The following ADAM17 variants were observed in gnomAD, a reference collection of about 807,000 sequenced individuals.
The protein encoded by ADAM17 is ADAM metallopeptidase domain 17, also known as disintegrin and metalloproteinase domain-containing protein 17.
In ADAM17, 39 loss-of-function variants were observed where a neutral mutation model predicts 96.7. That is an observed-to-expected ratio of 0.40 (90% CI 0.31 to 0.53). The LOEUF (loss-of-function observed/expected upper bound fraction) is 0.53, where lower values mean the gene tolerates loss of function less well. Ranked by LOEUF, ADAM17 falls within the 20% of genes least tolerant of loss-of-function variation. ADAM17 has a pLI of 0.44. For missense variants in ADAM17, 777 were observed against 1,013.2 expected (o/e 0.77, Z 3.17); for synonymous variants, 344 against 359.2 (o/e 0.96, Z 0.48).
chr2:9,529,512 G>A (rs543073057), intron 4 of ADAM17, among the ~76,000 whole-genome samples: 1 of 152,204 alleles, frequency 6.6e-6, no homozygotes, highest in Admixed American at 6.5e-5. Flanking sequence ...ATTTATATGA[G>A]ATGACCCAAA....
At chr2:9,500,199 G>C (rs1270331842) in intron 13 of ADAM17, among the ~76,000 whole-genome samples, 1 of 152,164 alleles carries the variant, frequency 6.6e-6, no homozygotes, top group East Asian at 1.9e-4. Context: ...CCATGCAATG[G>C]AATTTACCCA....
At chr2:9,526,996 T>C (rs1000978384) in intron 5 of ADAM17, among the ~76,000 whole-genome samples, 1 of 152,104 alleles carries the variant, frequency 6.6e-6, no homozygotes, top group African/African-American at 2.4e-5. Flanking sequence ...TCTTTATTTA[T>C]ATATTAAAAT....
intron 2 of ADAM17, 135 bp downstream of exon 2, chr2:9,543,018 A>T: frequency 8.6e-7 from 1 of 1,162,726 alleles, no homozygotes; most frequent in East Asian, 3.0e-5. Flanking sequence ...TTTTAGAATA[A>T]GCATTATACT....
intron 10 of ADAM17, among the ~76,000 whole-genome samples, chr2:9,513,875 A>G (rs1314376792): frequency 6.6e-6 from 1 of 151,910 alleles, no homozygotes; most frequent in Non-Finnish European, 1.5e-5. Context: ...GCTGGTCGTG[A>G]TGGCGCATGC....
At chr2:9,544,427 A>C (rs1665330024) in intron 1 of ADAM17, among the ~76,000 whole-genome samples, 1 of 152,190 alleles carries the variant, frequency 6.6e-6, no homozygotes, top group African/African-American at 2.4e-5. Context: ...AGCTAGTTTG[A>C]GGCAGGAGAA....
intron 16 of ADAM17, among the ~76,000 whole-genome samples, 198 bp from the exon 17 acceptor site, chr2:9,493,184 A>AT (rs1662300927): frequency 6.6e-6 from 1 of 152,210 alleles, no homozygotes; most frequent in Admixed American, 6.5e-5. Flanking sequence ...TAGCCCTCAT[A>AT]TACTGGCTGA....
At chr2:9,514,551 ATATATATATATATATAT>A (rs1229144370) in intron 10 of ADAM17, among the ~76,000 whole-genome samples, 3 of 99,048 alleles carry the variant, frequency 3.0e-5, no homozygotes, top group South Asian at 3.3e-4. Context: ...ATATATATAT[ATATATATATATATATAT>A]AAATAAAAAG....
Position 9,527,876 on chromosome 2 carries a change from G to A in ADAM17, c.529C>T (p.Arg177Cys), listed in dbSNP as rs1204442125. The A allele has an allele frequency of 5.0e-6, 8 of 1,600,022 alleles. No individual in the cohort carries two copies. Among genetic ancestry groups the A allele is most frequent in the Non-Finnish European group, 6.0e-6 (7 of 1,171,854 alleles). ...CCACACACTTTTGGAGACTGCAAAC[G>A]TGAAACATTCTTGATATCTTCAGAT... ...YKSEDIKNVSRLQSPKVCGYL... is the reference protein window; with the variant it reads ...YKSEDIKNVSCLQSPKVCGYL... Residue 177 changes from arginine (R) to cysteine (C), a missense_variant, in exon 5 of 19, where the codon CGT (arginine) becomes TGT (cysteine). This residue lies in a region of ADAM17 where 446 missense variants were observed against 664.7 expected (regional missense o/e 0.67). Transcript: ENST00000310823.
At chr2:9,535,642 G>C (rs1664930782) in intron 4 of ADAM17, among the ~76,000 whole-genome samples, 192 bp downstream of exon 4, 1 of 152,144 alleles carries the variant, frequency 6.6e-6, no homozygotes, top group African/African-American at 2.4e-5. Context: ...ATGGTACTTA[G>C]AAATACAGGG....
rs1448882424 is a variant in ADAM17 at position 9,488,818 on chromosome 2, G to A, written c.*1359C>T. ...ATGTCCTTGGAAATGGGGGGTAGGA[G>A]GAGATATGATTAGTCACAGGTTTGG... On this transcript the variant is annotated 3_prime_UTR_variant, in exon 19 of 19. Transcript: ENST00000310823. 3 of 152,244 alleles carry A rather than the reference G, an allele frequency of 2.0e-5. No individual in the cohort carries two copies. The highest frequency in any genetic ancestry group is 7.2e-5 in the African/African-American group (3 of 41,442). The allele number at this position is 152,244 out of a possible 1,614,324, so 9.4% of individuals were successfully genotyped here. A position where few individuals can be genotyped will look rare whatever the true frequency, so the allele number is the denominator to read the frequency against.
In ADAM17 at chr2:9,535,823, T is replaced by C; in HGVS notation, c.450+11A>G. 1.3e-6 allele frequency: 2 copies of C among 1,554,640 alleles called. No individual in the cohort carries two copies. The highest frequency in any genetic ancestry group is 1.2e-5 in the South Asian group (1 of 83,114). ...ATAAGCTACTGAAAAAAAATTCACA[T>C]ATAAATTTACCTCTATGTTATATTC... On this transcript the variant is annotated intron_variant, in intron 4 of 18. Transcript: ENST00000310823.
In ADAM17 at chr2:9,499,137, T is replaced by G. The variant is rs766466885; in HGVS notation, c.1649-1889A>C. 1.0e-4 allele frequency among the ~76,000 whole-genome samples: 15 copies of G among 147,046 alleles called. No homozygotes were observed. The Middle Eastern group carries it at 0.017, about 167-fold the overall frequency. ...TCTTTTTTTTTTTTTTTTTTGAGGTTGTTGTTCTCTAGCTTTTCCTGCTAG... is the reference window on the plus strand; with the variant it reads ...TCTTTTTTTTTTTTTTTTTTGAGGTGGTTGTTCTCTAGCTTTTCCTGCTAG... On this transcript the variant is annotated intron_variant, in intron 13 of 18. Coordinates refer to ENST00000310823, the MANE Select transcript of ADAM17 (RefSeq NM_003183.6).
At chr2:9,533,050 A>C (rs559485762) in intron 4 of ADAM17, among the ~76,000 whole-genome samples, 1 of 151,950 alleles carries the variant, frequency 6.6e-6, no homozygotes, top group Non-Finnish European at 1.5e-5. Context: ...TTAACGGGGC[A>C]TGGTGGCACA....
Position 9,490,466 on chromosome 2 carries a change from G to A in ADAM17, c.2186C>T (p.Pro729Leu). 6.2e-7 allele frequency: 1 copy of A among 1,614,018 alleles called. No homozygotes were observed. The highest frequency in any genetic ancestry group is 8.5e-7 in the Non-Finnish European group (1 of 1,179,932). Residue 729 changes from proline to leucine, a missense_variant, in exon 19 of 19, where the codon CCC becomes CTC. Physicochemically the swap from Pro to Leu is moderately conservative, Grantham distance 98. Around this residue, in one of 3 missense-constraint regions of ADAM17, gnomAD observed 197 missense variants for 219.4 expected, o/e 0.90. Transcript: ENST00000310823. ...GCCTGGAGTCTGGGGCGCAGGAAAG[G>A]GTTTGATAATGCGAACCGATGCAGA... Reference protein sequence around the residue: ...MDSASVRIIKPFPAPQTPGRL... With the variant: ...MDSASVRIIKLFPAPQTPGRL...
chr2:9,501,265 A>T (rs1165445134), intron 13 of ADAM17, among the ~76,000 whole-genome samples: 4 of 152,226 alleles, frequency 2.6e-5, no homozygotes, highest in African/African-American at 9.6e-5. Flanking sequence ...AAAAAAAGTA[A>T]GAACAAGAGA....
chr2:9,519,336 G>A (rs1664208092), intron 8 of ADAM17, among the ~76,000 whole-genome samples: 1 of 152,188 alleles, frequency 6.6e-6, no homozygotes, highest in South Asian at 2.1e-4. Context: ...GAGGCTTAGG[G>A]AAGAAAACTG....
intron 2 of ADAM17, among the ~76,000 whole-genome samples, chr2:9,537,601 G>T (rs933276567): frequency 6.6e-6 from 1 of 151,726 alleles, no homozygotes; most frequent in Non-Finnish European, 1.5e-5. Context: ...GCATGGTGGC[G>T]GGTGCCTATA....
At chr2:9,502,617 A>G (rs1242727973) in intron 12 of ADAM17, among the ~76,000 whole-genome samples, 2 of 151,992 alleles carry the variant, frequency 1.3e-5, no homozygotes, top group Admixed American at 1.3e-4. Context: ...CACACCTATA[A>G]TCCCAACCCA....
At chr2:9,493,506 A>G (rs1432054182) in intron 16 of ADAM17, among the ~76,000 whole-genome samples, 2 of 152,228 alleles carry the variant, frequency 1.3e-5, no homozygotes, top group African/African-American at 4.8e-5. Context: ...TGGGTAAAGA[A>G]GGAAGCCAGT....
Sources: gnomAD v4.1 joint callset for allele counts (sites outside exome capture counted in the v4.1 genomes callset) on GRCh38, gnomAD v4.1.1 for gene constraint, gnomAD v4.1.1 regional missense constraint, MANE v1.5 for transcripts, NCBI Gene and HGNC (gene_info 2026-07-23, HGNC 2026-07-21) for gene names.